The following MAML3 variants were observed in gnomAD, a reference collection of about 807,000 sequenced individuals.
MAML3 encodes mastermind-like protein 3.
A neutral mutation model predicts 101.9 loss-of-function variants in MAML3; 27 were observed. The observed-to-expected ratio is 0.27, with a 90% CI of 0.20 to 0.37. The LOEUF is 0.37. Ranked by LOEUF, MAML3 falls within the 10% of genes least tolerant of loss-of-function variation. The pLI, the probability that MAML3 is intolerant of heterozygous loss-of-function variation, is 1.00. For missense variants in MAML3, 1,316 were observed against 1,444.9 expected (o/e 0.91, Z 1.45); for synonymous variants, 501 against 555.9 (o/e 0.90, Z 1.39).
At chr4:140,014,774 C>T (rs1726616488) in intron 1 of MAML3, among the ~76,000 whole-genome samples, 1 of 152,114 alleles carries the variant, frequency 6.6e-6, no homozygotes, top group Non-Finnish European at 1.5e-5. Context: ...TCAGCATTAA[C>T]GTCATAGGAA....
Position 139,906,626 on chromosome 4 carries a change from G to C in MAML3, c.469-15659C>G, listed in dbSNP as rs539127184. 1.3e-5 allele frequency among the ~76,000 whole-genome samples: 2 copies of C among 152,326 alleles called. 1 individual carries two copies. The highest frequency in any genetic ancestry group is 4.1e-4 in the South Asian group (2 of 4,824). ...TCACTTTGCCTAAAACAGGTTCAGA[G>C]TTTGTCAACTTTCTGTTCAAATTGT... On this transcript the variant is annotated intron_variant, in intron 1 of 4. Transcript: ENST00000509479.
chr4:139,816,498 G>A (rs1730894745), intron 2 of MAML3, among the ~76,000 whole-genome samples: 1 of 152,130 alleles, frequency 6.6e-6, no homozygotes, highest in Admixed American at 6.5e-5. Flanking sequence ...AAGGCTTACT[G>A]TGATTCCAGA....
intron 1 of MAML3, among the ~76,000 whole-genome samples, chr4:140,025,147 A>T (rs1726799602): frequency 6.6e-6 from 1 of 152,166 alleles, no homozygotes; most frequent in Admixed American, 6.5e-5. Flanking sequence ...ATTGACACAA[A>T]CCTACTTGGA....
chr4:140,046,183 G>A (rs1933345040), intron 1 of MAML3, among the ~76,000 whole-genome samples: 1 of 152,186 alleles, frequency 6.6e-6, no homozygotes, highest in African/African-American at 2.4e-5. Flanking sequence ...AATAAGTTGT[G>A]AGCAGAGTGA....
intron 4 of MAML3, among the ~76,000 whole-genome samples, chr4:139,725,376 G>A (rs770486295): frequency 1.3e-5 from 2 of 152,158 alleles, no homozygotes; most frequent in Admixed American, 6.5e-5. Context: ...CTAAGATGAC[G>A]ATCTAAACAT....
intron 1 of MAML3, among the ~76,000 whole-genome samples, chr4:140,016,235 T>C (rs1291230349): frequency 6.6e-6 from 1 of 151,996 alleles, no homozygotes; most frequent in Non-Finnish European, 1.5e-5. Context: ...ACAAAACAAA[T>C]ACAGGACTTA....
At chr4:140,072,045 G>C (rs761102036) in intron 1 of MAML3, among the ~76,000 whole-genome samples, 1 of 152,088 alleles carries the variant, frequency 6.6e-6, no homozygotes, top group Non-Finnish European at 1.5e-5. Flanking sequence ...CCTCAACATT[G>C]GTTTGTCACC....
intron 1 of MAML3, among the ~76,000 whole-genome samples, chr4:140,151,395 G>T (rs904779688): frequency 6.6e-6 from 1 of 151,836 alleles, no homozygotes; most frequent in African/African-American, 2.4e-5. Flanking sequence ...GGGGGGACGT[G>T]GGGAGCGAGC....
At chr4:140,053,514 G>A (rs886964620) in intron 1 of MAML3, among the ~76,000 whole-genome samples, 1 of 152,106 alleles carries the variant, frequency 6.6e-6, no homozygotes, top group African/African-American at 2.4e-5. Context: ...ACTTAATCGT[G>A]CCATATCTAA....
intron 1 of MAML3, among the ~76,000 whole-genome samples, chr4:140,093,563 C>A (rs566181960): frequency 5.1e-4 from 78 of 151,928 alleles, no homozygotes; most frequent in Non-Finnish European, 8.7e-4. Flanking sequence ...ACTACAGGCA[C>A]CCGCCACCAC....
intron 1 of MAML3, among the ~76,000 whole-genome samples, chr4:140,059,137 TA>T (rs893618943): frequency 1.1e-4 from 17 of 152,174 alleles, no homozygotes; most frequent in African/African-American, 3.6e-4. Context: ...TACTTTCATT[TA>T]AAAAAAATCT....
intron 1 of MAML3, among the ~76,000 whole-genome samples, chr4:139,952,683 C>A (rs987807213): frequency 1.3e-5 from 2 of 152,156 alleles, no homozygotes; most frequent in East Asian, 3.8e-4. Context: ...GGCTGCCCAG[C>A]CAAGGACTGC....
intron 1 of MAML3, among the ~76,000 whole-genome samples, chr4:140,114,339 G>A (rs1280233517): frequency 6.6e-6 from 1 of 152,172 alleles, no homozygotes; most frequent in African/African-American, 2.4e-5. Context: ...AATCTCAACA[G>A]TACCTGGCAC....
At chr4:139,745,588 G>A (rs1379825734) in intron 2 of MAML3, among the ~76,000 whole-genome samples, 4 of 152,122 alleles carry the variant, frequency 2.6e-5, no homozygotes, top group Non-Finnish European at 5.9e-5. Context: ...TCCGGTCTGG[G>A]ATCCCACCTC....
At chr4:139,978,925 TCTATGACTACTTTC>T (rs1329284702) in intron 1 of MAML3, among the ~76,000 whole-genome samples, 1 of 30,804 alleles carries the variant, frequency 3.2e-5, no homozygotes, top group African/African-American at 6.8e-5. Flanking sequence ...TTCAAAGAGC[TCTATGACTACTTTC>T]AAAGAGCTCT....
At chr4:140,020,446 C>CA (rs1187342980) in intron 1 of MAML3, among the ~76,000 whole-genome samples, 11 of 151,290 alleles carry the variant, frequency 7.3e-5, no homozygotes, top group African/African-American at 2.7e-4. Context: ...TCAGTTCTGG[C>CA]CTGGTATTTG....
intron 1 of MAML3, among the ~76,000 whole-genome samples, chr4:140,001,418 A>G (rs1734921100): frequency 6.6e-6 from 1 of 152,210 alleles, no homozygotes; most frequent in Admixed American, 6.5e-5. Flanking sequence ...AGTGCTTAAA[A>G]CATACCCCCA....
At position 140,127,034 on chromosome 4, in the gene MAML3, G is replaced by A. The variant is rs993277439; in HGVS notation, c.468+25826C>T. Reference sequence around the variant, plus strand: ...AGTCTTGGTCTCAAACCTATCTTTCGTATGGTCATGATGACATCACACCCT... The same window carrying A: ...AGTCTTGGTCTCAAACCTATCTTTCATATGGTCATGATGACATCACACCCT... On this transcript the variant is annotated intron_variant, in intron 1 of 4. Transcript: ENST00000509479. Among the ~76,000 whole-genome samples, 11 of 152,170 alleles carry A rather than the reference G, an allele frequency of 7.2e-5. 1 individual carries two copies. The highest frequency in any genetic ancestry group is 3.9e-4 in the East Asian group (2 of 5,186).
intron 1 of MAML3, among the ~76,000 whole-genome samples, chr4:140,105,526 A>G (rs961665628): frequency 2.0e-5 from 3 of 152,182 alleles, no homozygotes; most frequent in African/African-American, 7.2e-5. Context: ...AAAAACCCAA[A>G]GGGTCAGCCC....
Sources: allele counts gnomAD v4.1 joint callset (sites outside exome capture counted in the v4.1 genomes callset), GRCh38; gene constraint gnomAD v4.1.1; transcripts MANE v1.5; gene names NCBI Gene and HGNC (gene_info 2026-07-23, HGNC 2026-07-21).